The following TYK2 variants were observed in gnomAD, a reference collection of about 807,000 sequenced individuals.
The protein encoded by TYK2 is non-receptor tyrosine-protein kinase TYK2.
TYK2 carries 65 observed loss-of-function variants against 130.9 expected under a neutral mutation model. The ratio of observed to expected loss-of-function variants is 0.50; its 90% CI spans 0.41 to 0.61. The LOEUF (loss-of-function observed/expected upper bound fraction) is 0.61. Among genes scored for constraint, TYK2 ranks in the 20% least tolerant of loss-of-function variants. The probability of loss-of-function intolerance (pLI) is 0.00; values close to 1 mark genes in which losing one functional copy is unlikely to be tolerated. For synonymous variants in TYK2, 647 were observed against 658.9 expected (o/e 0.98, Z 0.28); for missense variants, 1,378 against 1,610.7 (o/e 0.86, Z 2.47).
At chr19:10,376,851 C>T (rs1395956162) in intron 3 of TYK2, among the ~76,000 whole-genome samples, 1 of 152,002 alleles carries the variant, frequency 6.6e-6, no homozygotes, top group African/African-American at 2.4e-5. Flanking sequence ...ATCCACCAGC[C>T]TCAGCCTCCC....
intron 23 of TYK2, 42 bp downstream of exon 23, chr19:10,352,392 G>C (rs376665416): frequency 9.2e-5 from 124 of 1,354,660 alleles, no homozygotes; most frequent in Non-Finnish European, 1.2e-4. Context: ...CTTTCTAATT[G>C]CTCTAGCAAA....
rs1463636749 is a variant in TYK2 at position 10,365,515 on chromosome 19, A to C, written c.1011+2T>G. On this transcript the variant is annotated splice_donor_variant, in intron 7 of 24. Transcript: ENST00000525621. LOFTEE classifies it high-confidence loss of function. ...CCAGGGCGGAAGGGGCGCCTTGCTC[A>C]CCTCCTCCTTGTTCACCTCCTCCTC... 23 of 1,613,482 alleles carry C rather than the reference A, an allele frequency of 1.4e-5. No homozygotes were observed. The Admixed American group carries it at 1.7e-4, about 12-fold the overall frequency.
intron 3 of TYK2, among the ~76,000 whole-genome samples, chr19:10,377,034 TG>T (rs1457504252): frequency 6.6e-6 from 1 of 152,132 alleles, no homozygotes; most frequent in African/African-American, 2.4e-5. Context: ...CTCAAGTTGC[TG>T]GGACTACAGG....
Position 10,361,418 on chromosome 19 carries a change from G to T in TYK2, c.2047+93C>A. The T allele has an allele frequency of 8.2e-7, 1 of 1,223,124 alleles. No individual in the cohort carries two copies. Among genetic ancestry groups the T allele is most frequent in the Non-Finnish European group, 1.2e-6 (1 of 860,056 alleles). The allele number at this position is 1,223,124 out of a possible 1,614,324, so 75.8% of individuals were successfully genotyped here. On this transcript the variant is annotated intron_variant, in intron 14 of 24. Transcript: ENST00000525621. The surrounding 1 kb of genome is among the most constrained non-coding windows in gnomAD (Gnocchi z 4.0). ...GAGTTGAGAAATAGGCATAGGTTGG[G>T]GTGTAGGTCGAGGGTTGGGGTACAG...
chr19:10,365,948 C>A, intron 6 of TYK2, 50 bp from the exon 7 acceptor site: 1 of 1,541,430 alleles, frequency 6.5e-7, no homozygotes, highest in Non-Finnish European at 8.8e-7. Context: ...GTTGCAGGCC[C>A]AGCTGGGTGA....
At position 10,357,585 on chromosome 19, in the gene TYK2, A is replaced by G. The variant is rs139496422; in HGVS notation, c.2466+179T>C. 197 of 841,336 alleles carry G rather than the reference A, an allele frequency of 2.3e-4. 1 individual carries two copies. In the African/African-American group the frequency reaches 2.8e-3, roughly 12 times the overall value. 52.1% of individuals were successfully genotyped at this position (841,336 alleles called of 1,614,324 possible). On this transcript the variant is annotated intron_variant, in intron 17 of 24. Coordinates refer to ENST00000525621, the MANE Select transcript of TYK2 (RefSeq NM_003331.5). ...TGTGCCAGGCACAAGTGACTTCCAC[A>G]AGGACCTAAAAAGGCTGGGACTACA...
intron 14 of TYK2, among the ~76,000 whole-genome samples, chr19:10,360,430 G>A (rs11667804): frequency 2.0e-5 from 3 of 152,250 alleles, no homozygotes; most frequent in South Asian, 4.1e-4. Flanking sequence ...CCGGGAGGTC[G>A]AGGCTTCAGT....
chr19:10,375,671 C>T (rs1284414515), intron 3 of TYK2, among the ~76,000 whole-genome samples: 1 of 147,948 alleles, frequency 6.8e-6, no homozygotes, highest in Non-Finnish European at 1.5e-5. Flanking sequence ...AATCCCAGCA[C>T]TTTGGAGGGC....
rs749724877 is a variant in TYK2 at position 10,354,003 on chromosome 19, G to GC, written c.2908+38dup. 10 of 1,603,634 alleles carry GC rather than the reference G, an allele frequency of 6.2e-6. No individual in the cohort carries two copies. The East Asian group carries it at 2.2e-4, about 36-fold the overall frequency. Reference sequence around the variant, plus strand: ...AAGGCCACACCCACGCTCTAACCACGCCCCCTCAAGTCTCTAGGACTCGCC... The same window carrying GC: ...AAGGCCACACCCACGCTCTAACCACGCCCCCCTCAAGTCTCTAGGACTCGCC... On this transcript the variant is annotated intron_variant, in intron 20 of 24. Transcript: ENST00000525621.
chr19:10,379,336 A>G (rs1303969687), intron 2 of TYK2, among the ~76,000 whole-genome samples: 1 of 150,004 alleles, frequency 6.7e-6, no homozygotes, highest in African/African-American at 2.4e-5. Context: ...CTCTAAAAAT[A>G]TAAATAAATA....
chr19:10,368,600 CAGG>C (rs752831049), intron 3 of TYK2, 182 bp from the exon 4 acceptor site: 27 of 783,608 alleles, frequency 3.4e-5, no homozygotes, highest in East Asian at 8.6e-5. Context: ...TGTGGCCTCA[CAGG>C]AGGACTACAT....
At chr19:10,374,781 G>C (rs1380746202) in intron 3 of TYK2, among the ~76,000 whole-genome samples, 1 of 151,742 alleles carries the variant, frequency 6.6e-6, no homozygotes, top group Non-Finnish European at 1.5e-5. Context: ...TACTCAGGAG[G>C]CTGAGGCAGG....
rs373614901 is a variant in TYK2 at position 10,352,437 on chromosome 19, G to C, written c.3315C>G (p.Pro1105=). 7.6e-5 allele frequency: 122 copies of C among 1,602,890 alleles called. No individual in the cohort carries two copies. Among genetic ancestry groups the C allele is most frequent in the Admixed American group, 2.7e-4 (16 of 59,528 alleles). ...GGGCTGCGGGCCTGGCTCTCACCGTGGGGGGGCTCTGGCTGGAGTCACAGT... is the reference window on the plus strand; with the variant it reads ...GGGCTGCGGGCCTGGCTCTCACCGTCGGGGGGCTCTGGCTGGAGTCACAGT... ...LTHCDSSQSP[P]TKFLELIGIA... is the part of the protein sequence containing the mutation. The change falls in exon 23 of 25, where the codon CCC becomes CCG. Residue 1105 remains proline (P), a synonymous_variant. Transcript: ENST00000525621.
intron 17 of TYK2, 95 bp from the exon 18 acceptor site, chr19:10,356,813 G>C (rs1419280360): frequency 1.5e-6 from 2 of 1,336,392 alleles, no homozygotes; most frequent in Non-Finnish European, 1.0e-6. Flanking sequence ...TGGACCGCCA[G>C]GTGCCCGCTC....
chr19:10,370,647 G>A (rs188780915), intron 3 of TYK2, among the ~76,000 whole-genome samples: 277 of 151,938 alleles, frequency 1.8e-3, no homozygotes, highest in African/African-American at 6.5e-3. Flanking sequence ...GCAAAACCTC[G>A]TCTCTACTAA....
chr19:10,352,027 C>A (rs1160602499), intron 23 of TYK2, among the ~76,000 whole-genome samples: 3 of 151,352 alleles, frequency 2.0e-5, no homozygotes, highest in Non-Finnish European at 4.4e-5. Flanking sequence ...TGTCAGCCAC[C>A]GCGCCCGGCC....
intron 22 of TYK2, among the ~76,000 whole-genome samples, 153 bp downstream of exon 22, chr19:10,352,773 C>A (rs903445928): frequency 6.6e-6 from 1 of 152,190 alleles, no homozygotes; most frequent in Non-Finnish European, 1.5e-5. Context: ...CTATACACCG[C>A]CCCTTGCCTC....
chr19:10,357,747 G>A lies in TYK2; in HGVS notation c.2466+17C>T, dbSNP rs772030337. On this transcript the variant is annotated intron_variant, in intron 17 of 24. Coordinates refer to ENST00000525621, the MANE Select transcript of TYK2 (RefSeq NM_003331.5). Reference sequence around the variant, plus strand: ...GGCCCCCACTGCGGGGAGGGCCCAAGGGTCTCCTAGACATACCTCGGAGGG... The same window carrying A: ...GGCCCCCACTGCGGGGAGGGCCCAAAGGTCTCCTAGACATACCTCGGAGGG... 3 of 1,594,522 alleles carry A rather than the reference G, an allele frequency of 1.9e-6. No homozygotes were observed. Among genetic ancestry groups the A allele is most frequent in the Non-Finnish European group, 2.6e-6 (3 of 1,170,856 alleles).
rs925342176 is a variant in TYK2, at chr19:10,354,619, T to A, written c.2618-10A>T. ...AAGACGTCAGCAAGATCTGGAAGAGTTGCGGTGGGTAAAGGCCTGACCCCG... is the reference window on the plus strand; with the variant it reads ...AAGACGTCAGCAAGATCTGGAAGAGATGCGGTGGGTAAAGGCCTGACCCCG... On this transcript the variant is annotated splice_polypyrimidine_tract_variant and intron_variant, in intron 18 of 24. Transcript: ENST00000525621. 1 of 1,611,962 alleles carries A rather than the reference T, an allele frequency of 6.2e-7. No individual in the cohort carries two copies.
Sources: gnomAD v4.1 joint callset for allele counts (sites outside exome capture counted in the v4.1 genomes callset) on GRCh38, gnomAD v4.1.1 for gene constraint, Gnocchi (gnomAD v3.1) non-coding constraint, MANE v1.5 for transcripts, NCBI Gene and HGNC (gene_info 2026-07-23, HGNC 2026-07-21) for gene names.